SNW1: variants seen among roughly 807,000 people sequenced by gnomAD.
The protein encoded by SNW1 is SNW domain-containing protein 1.
A neutral mutation model predicts 75.6 loss-of-function variants in SNW1; 9 were observed. That is an observed-to-expected ratio of 0.12 (90% CI 0.07 to 0.21). SNW1 has a LOEUF of 0.21. SNW1 is among the 10% of genes least tolerant of loss of function. The probability of loss-of-function intolerance (pLI) is 1.00; values close to 1 mark genes in which losing one functional copy is unlikely to be tolerated. For synonymous variants in SNW1, 200 were observed against 219.1 expected, an observed-to-expected ratio of 0.91 and a Z score of 0.77; for missense variants, 409 against 670.9, an observed-to-expected ratio of 0.61 and a Z score of 4.31.
chr14:77,756,904 A>T (rs2080846015), intron 1 of SNW1, among the ~76,000 whole-genome samples: 1 of 152,082 alleles, frequency 6.6e-6, no homozygotes, highest in South Asian at 2.1e-4. Context: ...CAACAAAAAA[A>T]CCCTTAGAGG....
chr14:77,751,836 ACACACACAC>A (rs1156686128), intron 2 of SNW1, among the ~76,000 whole-genome samples: 72 of 114,266 alleles, frequency 6.3e-4, no homozygotes, highest in Middle Eastern at 8.8e-3. Flanking sequence ...ACACACACAC[ACACACACAC>A]CACACACACA....
chr14:77,717,809 T>C lies in SNW1; in HGVS notation c.*279A>G. 6 of 578,280 alleles carry C rather than the reference T, an allele frequency of 1.0e-5. No individual in the cohort carries two copies. Among genetic ancestry groups the C allele is most frequent in the Non-Finnish European group, 1.8e-5 (6 of 329,442 alleles). 35.8% of individuals were successfully genotyped at this position (578,280 alleles called of 1,614,324 possible). On this transcript the variant is annotated 3_prime_UTR_variant, in exon 14 of 14. Transcript: ENST00000261531. Reference sequence around the variant, plus strand: ...AAACATTAACCCCAAACTACTAGTGTCACATAAAAGTAAGTGGTCTTGACT... The same window carrying C: ...AAACATTAACCCCAAACTACTAGTGCCACATAAAAGTAAGTGGTCTTGACT...
intron 8 of SNW1, 151 bp from the exon 9 acceptor site, chr14:77,732,752 C>A: frequency 1.7e-6 from 1 of 603,226 alleles, no homozygotes; most frequent in Non-Finnish European, 2.9e-6. Context: ...GCAACCTCTG[C>A]CTCCTGGGTT....
chr14:77,720,183 T>TA (rs1321138398), intron 12 of SNW1, among the ~76,000 whole-genome samples: 4 of 152,048 alleles, frequency 2.6e-5, no homozygotes, highest in Non-Finnish European at 5.9e-5. Flanking sequence ...TTTTTTGAGA[T>TA]AGAGTCTCAG....
intron 3 of SNW1, among the ~76,000 whole-genome samples, chr14:77,747,486 G>A (rs529349814): frequency 4.6e-5 from 7 of 151,810 alleles, no homozygotes; most frequent in Non-Finnish European, 1.0e-4. Flanking sequence ...GTCTCTGCCC[G>A]GCCGCCCATC....
chr14:77,728,452 A>G (rs544275053), intron 10 of SNW1, among the ~76,000 whole-genome samples: 1 of 152,334 alleles, frequency 6.6e-6, no homozygotes, highest in Non-Finnish European at 1.5e-5. Flanking sequence ...ACTCCGTTTC[A>G]AAAAAACCAA....
intron 3 of SNW1, among the ~76,000 whole-genome samples, chr14:77,742,013 GTAAT>G: frequency 6.6e-6 from 1 of 151,838 alleles, no homozygotes; most frequent in Admixed American, 6.6e-5. Context: ...TTCCTCCATA[GTAAT>G]TAATTATAAA....
intron 1 of SNW1, among the ~76,000 whole-genome samples, chr14:77,759,357 C>A (rs1055941557): frequency 6.6e-6 from 1 of 151,812 alleles, no homozygotes; most frequent in Non-Finnish European, 1.5e-5. Context: ...CTAAAAAAAA[C>A]AAAAATTAAC....
At chr14:77,722,936 C>T in intron 11 of SNW1, 2 of 480,146 alleles carry the variant, frequency 4.2e-6, no homozygotes, top group Non-Finnish European at 7.6e-6. Flanking sequence ...GCTCCACCTC[C>T]CGGGTTCACG....
intron 10 of SNW1, among the ~76,000 whole-genome samples, chr14:77,726,731 T>C (rs1172888206): frequency 6.6e-6 from 1 of 152,054 alleles, no homozygotes; most frequent in Non-Finnish European, 1.5e-5. Context: ...CAAGGATTGC[T>C]TGAGCCTGGG....
At chr14:77,734,610 C>T (rs1332394165) in intron 8 of SNW1, among the ~76,000 whole-genome samples, 18 of 152,228 alleles carry the variant, frequency 1.2e-4, no homozygotes, top group South Asian at 8.3e-4. Context: ...TGGTGGCATG[C>T]GCCTGTAGTC....
intron 2 of SNW1, among the ~76,000 whole-genome samples, chr14:77,752,636 T>C (rs1032726531): frequency 6.6e-6 from 1 of 152,206 alleles, no homozygotes; most frequent in Non-Finnish European, 1.5e-5. Context: ...CGAAAAGCTT[T>C]GTATTTTCTA....
intron 2 of SNW1, among the ~76,000 whole-genome samples, chr14:77,753,046 T>A (rs1594809052): frequency 6.6e-6 from 1 of 152,340 alleles, no homozygotes; most frequent in Middle Eastern, 3.4e-3. Context: ...TATGTGGTCA[T>A]TAAGCTTGCC....
At chr14:77,741,542 A>G (rs1393036111) in intron 3 of SNW1, among the ~76,000 whole-genome samples, 1 of 152,118 alleles carries the variant, frequency 6.6e-6, no homozygotes, top group East Asian at 1.9e-4. Flanking sequence ...CAAAACACGT[A>G]CTACTGATAT....
rs2080658936 is a variant in SNW1, at chr14:77,734,931, T to C, written c.774+16A>G. The C allele has an allele frequency of 1.9e-6, 3 of 1,574,804 alleles. No individual in the cohort carries two copies. Among genetic ancestry groups the C allele is most frequent in the Non-Finnish European group, 2.6e-6 (3 of 1,144,912 alleles). On this transcript the variant is annotated intron_variant, in intron 8 of 13. Transcript: ENST00000261531. ...GTAGGTTATACTAATAGAGACTGAT[T>C]TGACAACTTAATTACCTTTGCATTT...
At chr14:77,736,800 A>G (rs1317887247) in intron 6 of SNW1, among the ~76,000 whole-genome samples, 171 bp downstream of exon 6, 1 of 152,042 alleles carries the variant, frequency 6.6e-6, no homozygotes, top group Non-Finnish European at 1.5e-5. Flanking sequence ...CCCAGAGGCA[A>G]CCACCTATCT....
At chr14:77,754,684 C>A (rs1052822330) in intron 2 of SNW1, among the ~76,000 whole-genome samples, 3 of 151,866 alleles carry the variant, frequency 2.0e-5, no homozygotes, top group Non-Finnish European at 4.4e-5. Context: ...TTCCGTAATT[C>A]CTGAATTTAT....
rs2080658203 is a variant in SNW1 at position 77,734,857 on chromosome 14, G to A, written c.774+90C>T. On this transcript the variant is annotated intron_variant, in intron 8 of 13. Transcript: ENST00000261531. Reference sequence around the variant, plus strand: ...AAAATGCTCAGTTAAACCACGTGTTGTTTCAACTACAGTTATGCAGGCTGT... The same window carrying A: ...AAAATGCTCAGTTAAACCACGTGTTATTTCAACTACAGTTATGCAGGCTGT... 5.9e-6 allele frequency: 5 copies of A among 841,120 alleles called. No individual in the cohort carries two copies. The South Asian group carries it at 8.5e-5, about 14-fold the overall frequency. The allele number at this position is 841,120 out of a possible 1,614,324, so 52.1% of individuals were successfully genotyped here. A position where few individuals can be genotyped will look rare whatever the true frequency, so the allele number is the denominator to read the frequency against.
intron 3 of SNW1, among the ~76,000 whole-genome samples, chr14:77,741,766 A>T (rs1004665915): frequency 1.3e-5 from 2 of 152,172 alleles, no homozygotes; most frequent in Admixed American, 1.3e-4. Context: ...TTCTATGAAG[A>T]GTTAATCATG....
Sources: gnomAD v4.1 joint callset for allele counts (sites outside exome capture counted in the v4.1 genomes callset) on GRCh38, gnomAD v4.1.1 for gene constraint, MANE v1.5 for transcripts, NCBI Gene and HGNC (gene_info 2026-07-23, HGNC 2026-07-21) for gene names.